Variants in BIRC6 observed in about 807,000 individuals in gnomAD.
BIRC6 encodes baculoviral IAP repeat containing 6, also known as dual E2 ubiquitin-conjugating enzyme/E3 ubiquitin-protein ligase BIRC6.
Under a neutral mutation model 503.3 loss-of-function variants are expected in BIRC6, and 98 were observed. The observed-to-expected ratio is 0.19, with a 90% confidence interval of 0.17 to 0.23. BIRC6 has a LOEUF of 0.23. Among genes scored for constraint, BIRC6 ranks in the 10% least tolerant of loss-of-function variants. The probability of loss-of-function intolerance (pLI) is 1.00; values close to 1 mark genes in which losing one functional copy is unlikely to be tolerated. For missense variants in BIRC6, 5,360 were observed against 5,806.0 expected (o/e 0.92, Z 2.50); for synonymous variants, 2,240 against 2,078.7 (o/e 1.08, Z -2.11).
intron 65 of BIRC6, among the ~76,000 whole-genome samples, chr2:32,567,972 C>T (rs1423347232): frequency 6.6e-6 from 1 of 152,052 alleles, no homozygotes; most frequent in African/African-American, 2.4e-5. Context: ...ATTAGCCAGG[C>T]ATGGTGGCGG....
intron 61 of BIRC6, among the ~76,000 whole-genome samples, chr2:32,540,748 C>T (rs1002928194): frequency 2.6e-5 from 4 of 151,900 alleles, no homozygotes; most frequent in Non-Finnish European, 2.9e-5. Context: ...ATGCCTAAGC[C>T]TGTGGTGGTC....
intron 37 of BIRC6, among the ~76,000 whole-genome samples, chr2:32,480,301 C>T (rs943390111): frequency 2.6e-5 from 4 of 152,146 alleles, no homozygotes; most frequent in African/African-American, 7.2e-5. Context: ...TCTGTACTTC[C>T]CTTGCGCTCT....
Position 32,442,126 on chromosome 2 carries a change from T to C in BIRC6, c.4006T>C (p.Cys1336Arg). The C allele has an allele frequency of 6.2e-7, 1 of 1,610,446 alleles. No homozygotes were observed. Among genetic ancestry groups the C allele is most frequent in the Non-Finnish European group, 8.5e-7 (1 of 1,178,988 alleles). The change falls in exon 18 of 74, where the codon TGC becomes CGC. Residue 1336 changes from cysteine (C) to arginine (R), a missense_variant. Physicochemically the swap from Cys to Arg is radical, Grantham distance 180 (BLOSUM62 -3). Coordinates refer to ENST00000421745, the MANE Select transcript of BIRC6 (RefSeq NM_016252.4). Reference sequence around the variant, plus strand: ...TCATGAGAAGCTTCTTAATACTCTTTGCAGAAAAACAGATGATGGCCAGAT... The same window carrying C: ...TCATGAGAAGCTTCTTAATACTCTTCGCAGAAAAACAGATGATGGCCAGAT... ...EFHEKLLNTL[C>R]RKTDDGQITE...
chr2:32,524,114 A>G (rs1157329807), intron 57 of BIRC6, among the ~76,000 whole-genome samples: 1 of 152,126 alleles, frequency 6.6e-6, no homozygotes, highest in Non-Finnish European at 1.5e-5. Context: ...TTTCAAATCA[A>G]TTCATTCAGC....
At chr2:32,480,622 T>C (rs1381877793) in intron 37 of BIRC6, among the ~76,000 whole-genome samples, 2 of 5,282 alleles carry the variant, frequency 3.8e-4, no homozygotes, top group African/African-American at 7.7e-4. Context: ...GGTAAATGGC[T>C]TTTTTTTTTT....
intron 73 of BIRC6, among the ~76,000 whole-genome samples, chr2:32,616,929 C>A (rs974236941): frequency 1.3e-5 from 2 of 151,780 alleles, no homozygotes; most frequent in African/African-American, 2.4e-5. Flanking sequence ...AATGGCGAAA[C>A]CCCATCTGTG....
intron 65 of BIRC6, among the ~76,000 whole-genome samples, chr2:32,555,245 G>A (rs2058691919): frequency 2.0e-5 from 3 of 152,080 alleles, no homozygotes; most frequent in Non-Finnish European, 4.4e-5. Flanking sequence ...TGTGGTGGTG[G>A]TTCATGCCTG....
chr2:32,447,984 G>T (rs1490068474), intron 21 of BIRC6, among the ~76,000 whole-genome samples: 1 of 2,968 alleles, frequency 3.4e-4, no homozygotes. Flanking sequence ...AGACGGGGCG[G>T]CCGGGCAGAG....
At chr2:32,484,232 T>C (rs2050731250) in intron 39 of BIRC6, among the ~76,000 whole-genome samples, 1 of 151,654 alleles carries the variant, frequency 6.6e-6, no homozygotes, top group Non-Finnish European at 1.5e-5. Context: ...AAACTATAAC[T>C]ATCCTGTTCC....
chr2:32,599,007 G>C (rs969202885), intron 69 of BIRC6, among the ~76,000 whole-genome samples: 4 of 109,038 alleles, frequency 3.7e-5, no homozygotes, highest in Non-Finnish European at 6.9e-5. Flanking sequence ...GGGCGGTGGA[G>C]TGAAACTCCA....
At chr2:32,529,896 C>T in intron 60 of BIRC6, 72 bp downstream of exon 60, 1 of 955,518 alleles carries the variant, frequency 1.0e-6, no homozygotes, top group Non-Finnish European at 1.4e-6. Context: ...TAGCTAATGA[C>T]TTAATTGACT....
Position 32,603,095 on chromosome 2 carries a change from TTC to T in BIRC6, c.14070+16_14070+17del. On this transcript the variant is annotated intron_variant, in intron 71 of 73. Coordinates refer to ENST00000421745, the MANE Select transcript of BIRC6 (RefSeq NM_016252.4). ...CAAGCTTTTTGCAAGTAAACAAAAT[TTC>T]TCTGACATTTTCACTTAAGAAATAA... 1 of 1,599,490 alleles carries T rather than the reference TTC, an allele frequency of 6.3e-7. No homozygotes were observed. Among genetic ancestry groups the T allele is most frequent in the Non-Finnish European group, 8.5e-7 (1 of 1,173,206 alleles).
intron 1 of BIRC6, among the ~76,000 whole-genome samples, chr2:32,375,684 A>G (rs900747313): frequency 6.6e-6 from 1 of 151,584 alleles, no homozygotes; most frequent in African/African-American, 2.4e-5. Flanking sequence ...AACAGATGAC[A>G]TACATTTACC....
intron 21 of BIRC6, among the ~76,000 whole-genome samples, chr2:32,446,448 T>A (rs1382334261): frequency 1.3e-5 from 2 of 152,210 alleles, no homozygotes; most frequent in Non-Finnish European, 1.5e-5. Context: ...GTTCCTTTAT[T>A]TAGAGCAGTG....
At chr2:32,589,500 C>G (rs1314925083) in intron 66 of BIRC6, among the ~76,000 whole-genome samples, 1 of 152,148 alleles carries the variant, frequency 6.6e-6, no homozygotes, top group Non-Finnish European at 1.5e-5. Context: ...AATTTCAGTT[C>G]CAGCCCTCCT....
At chr2:32,368,745 G>A (rs2035338434) in intron 1 of BIRC6, among the ~76,000 whole-genome samples, 1 of 151,992 alleles carries the variant, frequency 6.6e-6, no homozygotes, top group Non-Finnish European at 1.5e-5. Context: ...TCTTCCTCCT[G>A]GGTTCAAGTG....
intron 31 of BIRC6, 94 bp from the exon 32 acceptor site, chr2:32,470,920 T>C: frequency 7.7e-7 from 1 of 1,305,812 alleles, no homozygotes; most frequent in Non-Finnish European, 1.0e-6. Context: ...ATGTTTTGGA[T>C]TTATAGAATG....
chr2:32,582,604 A>C (rs2060748037), intron 66 of BIRC6, among the ~76,000 whole-genome samples: 1 of 152,170 alleles, frequency 6.6e-6, no homozygotes. Flanking sequence ...CTCTGTTAAA[A>C]ATACAAAACA....
Position 32,575,233 on chromosome 2 carries a change from A to C in BIRC6, c.13222A>C (p.Met4408Leu). The change falls in exon 66 of 74, where the codon ATG becomes CTG. Residue 4408 changes from methionine to leucine, a missense_variant. Met to Leu is a conservative substitution (Grantham distance 15). This residue lies in a region of BIRC6 where 477 missense variants were observed against 574.4 expected (regional missense o/e 0.83). Transcript: ENST00000421745. ...LLRAIASCAA[M>L]VPLLLPLSTE... ...TCGGGCCATTGCTTCTTGTGCTGCC[A>C]TGGTGCCCCTATTGTTGCCCCTTTC... 6.2e-7 allele frequency: 1 copy of C among 1,614,024 alleles called. No individual in the cohort carries two copies. The highest frequency in any genetic ancestry group is 8.5e-7 in the Non-Finnish European group (1 of 1,179,892).
Sources: allele counts gnomAD v4.1 joint callset (sites outside exome capture counted in the v4.1 genomes callset), GRCh38; gene constraint gnomAD v4.1.1; regional missense constraint gnomAD v4.1.1; transcripts MANE v1.5; gene names NCBI Gene and HGNC (gene_info 2026-07-23, HGNC 2026-07-21).